Variants in SLC39A5 observed in about 807,000 individuals in gnomAD.
SLC39A5 encodes zinc transporter ZIP5.
SLC39A5 carries 42 observed loss-of-function variants against 46.9 expected under a neutral mutation model. The observed-to-expected ratio is 0.90, with a 90% CI of 0.70 to 1.16. The LOEUF is 1.16. SLC39A5 is among the 50% of genes most tolerant of loss of function. The pLI, the probability that SLC39A5 is intolerant of heterozygous loss-of-function variation, is 0.00. For synonymous variants in SLC39A5, 311 were observed against 323.1 expected (o/e 0.96, Z 0.40); for missense variants, 677 against 686.8 (o/e 0.99, Z 0.16).
intron 11 of SLC39A5, 26 bp from the exon 12 acceptor site, chr12:56,237,124 C>T: frequency 6.2e-7 from 1 of 1,613,590 alleles, no homozygotes; most frequent in Non-Finnish European, 8.5e-7. Flanking sequence ...CTTACTCCCT[C>T]CCATCCTGTC....
At position 56,234,951 on chromosome 12, in the gene SLC39A5, C is replaced by T; in HGVS notation, c.599C>T (p.Ala200Val). 6.2e-6 allele frequency: 10 copies of T among 1,611,944 alleles called. No homozygotes were observed. Among genetic ancestry groups the T allele is most frequent in the Admixed American group, 1.7e-5 (1 of 59,980 alleles). ...ATCGACAGCCGCGTCTGCATCGGCG[C>T]TCCGGCCCCTGCACCCCCAGGGGAT... is the stretch of plus-strand genomic sequence containing the variant. The part of the protein sequence containing the change: ...YQIDSRVCIG[A>V]PAPAPPGDLL... Residue 200 changes from alanine (A) to valine (V), a missense_variant, in exon 6 of 13, where the codon GCT becomes GTT. Coordinates refer to ENST00000454355, the MANE Select transcript of SLC39A5 (RefSeq NM_173596.3).
In SLC39A5 at chr12:56,232,674, T is replaced by C; in HGVS notation, c.288-15T>C. The C allele has an allele frequency of 1.3e-6, 2 of 1,583,430 alleles. No individual in the cohort carries two copies. Among genetic ancestry groups the C allele is most frequent in the South Asian group, 1.2e-5 (1 of 86,924 alleles). On this transcript the variant is annotated splice_polypyrimidine_tract_variant and intron_variant, in intron 4 of 12. Coordinates refer to ENST00000454355, the MANE Select transcript of SLC39A5 (RefSeq NM_173596.3). Reference sequence around the variant, plus strand: ...GAACACAAGGGAGGCTGACTTGCTGTCTCATCCATTCCAGGCCACAGAACC... The same window carrying C: ...GAACACAAGGGAGGCTGACTTGCTGCCTCATCCATTCCAGGCCACAGAACC...
Position 56,232,714 on chromosome 12 carries a change from G to C in SLC39A5, c.313G>C (p.Asp105His), listed in dbSNP as rs779376141. Reference sequence around the variant, plus strand: ...GCCACAGAACCCTGAGCTGAGTGTGGATGTCTGGGCAGGGATGCCTCTGGG... The same window carrying C: ...GCCACAGAACCCTGAGCTGAGTGTGCATGTCTGGGCAGGGATGCCTCTGGG... ...HRPQNPELSV[D>H]VWAGMPLGPS... Residue 105 changes from aspartate to histidine, a missense_variant, in exon 5 of 13, where the codon GAT (aspartate) becomes CAT (histidine). Coordinates refer to ENST00000454355, the MANE Select transcript of SLC39A5 (RefSeq NM_173596.3). 2 of 1,610,748 alleles carry C rather than the reference G, an allele frequency of 1.2e-6. No homozygotes were observed. The highest frequency in any genetic ancestry group is 4.5e-5 in the East Asian group (2 of 44,434).
chr12:56,232,597 T>TC, intron 4 of SLC39A5, 92 bp from the exon 5 acceptor site: 3 of 1,161,404 alleles, frequency 2.6e-6, no homozygotes, highest in Non-Finnish European at 2.4e-6. Flanking sequence ...CAGTGGCTAG[T>TC]CCCCCCATTC....
chr12:56,236,809 C>A, intron 10 of SLC39A5, 63 bp downstream of exon 10: 2 of 1,576,450 alleles, frequency 1.3e-6, no homozygotes, highest in South Asian at 1.2e-5. Flanking sequence ...TAGTTATCAG[C>A]TGGGGCTAGG....
At position 56,236,505 on chromosome 12, in the gene SLC39A5, GA is replaced by G; in HGVS notation, c.1042+17del. On this transcript the variant is annotated intron_variant, in intron 9 of 12. Coordinates refer to ENST00000454355, the MANE Select transcript of SLC39A5 (RefSeq NM_173596.3). ...CAGGCAGCTCCAGGTGACTAGAGGA[GA>G]AAATTTGAAGAGTAGGTTCCAAGCT... 1 of 1,614,250 alleles carries G rather than the reference GA, an allele frequency of 6.2e-7. No individual in the cohort carries two copies. The highest frequency in any genetic ancestry group is 8.5e-7 in the Non-Finnish European group (1 of 1,180,044).
Position 56,231,572 on chromosome 12 carries a change from C to G in SLC39A5, c.287+11C>G. The G allele has an allele frequency of 6.6e-7, 1 of 1,524,558 alleles. No homozygotes were observed. Among genetic ancestry groups the G allele is most frequent in the Non-Finnish European group, 8.8e-7 (1 of 1,135,038 alleles). The allele number at this position is 1,524,558 out of a possible 1,614,324, so 94.4% of individuals were successfully genotyped here. On this transcript the variant is annotated intron_variant, in intron 4 of 12. Transcript: ENST00000454355. ...CAATTCCACACACAGGTACTGACCC[C>G]TTCCTCCACTCCACAGGGCCACATC... is the stretch of plus-strand genomic sequence containing the variant.
At chr12:56,231,614 T>C in intron 4 of SLC39A5, 53 bp downstream of exon 4, 3 of 1,485,158 alleles carry the variant, frequency 2.0e-6, no homozygotes, top group Non-Finnish European at 1.8e-6. Flanking sequence ...GTCCTCTCAG[T>C]GCTTGCCCCC....
intron 11 of SLC39A5, 40 bp from the exon 12 acceptor site, chr12:56,237,110 C>G: frequency 6.2e-7 from 1 of 1,612,956 alleles, no homozygotes; most frequent in Non-Finnish European, 8.5e-7. Flanking sequence ...GAGGGGCACC[C>G]CAGCTTACTC....
At chr12:56,231,902 T>A (rs1349947783) in intron 4 of SLC39A5, among the ~76,000 whole-genome samples, 2 of 151,830 alleles carry the variant, frequency 1.3e-5, no homozygotes, top group Non-Finnish European at 2.9e-5. Flanking sequence ...ATTTTAAAAA[T>A]TTTTTACAGA....
intron 4 of SLC39A5, among the ~76,000 whole-genome samples, chr12:56,232,147 TTTTC>T (rs1387895468): frequency 6.7e-6 from 1 of 149,448 alleles, no homozygotes; most frequent in African/African-American, 2.5e-5. Context: ...TAGACTTCTT[TTTTC>T]TTTTCTTTTC....
chr12:56,231,331 G>T lies in SLC39A5; in HGVS notation c.57G>T (p.Leu19Phe). ...LLAGFCVWVV[L>F]GWVGGSVPNL... Reference sequence around the variant, plus strand: ...CCGGCTTCTGTGTGTGGGTCGTCTTGGGCTGGGTAGGGGGCTCAGTCCCCA... The same window carrying T: ...CCGGCTTCTGTGTGTGGGTCGTCTTTGGCTGGGTAGGGGGCTCAGTCCCCA... Residue 19 changes from leucine to phenylalanine, a missense_variant, in exon 4 of 13, where the codon TTG (leucine) becomes TTT (phenylalanine). Transcript: ENST00000454355. The T allele has an allele frequency of 1.2e-6, 2 of 1,613,516 alleles. No individual in the cohort carries two copies. The highest frequency in any genetic ancestry group is 1.3e-5 in the African/African-American group (1 of 75,052).
chr12:56,234,705 C>T, intron 5 of SLC39A5, 119 bp from the exon 6 acceptor site: 1 of 1,094,740 alleles, frequency 9.1e-7, no homozygotes, highest in Non-Finnish European at 1.3e-6. Context: ...AGATGATACA[C>T]CCGCCTGGGC....
rs149153471 is a variant in SLC39A5, at chr12:56,234,460, G to A, written c.472-364G>A. On this transcript the variant is annotated intron_variant, in intron 5 of 12. Transcript: ENST00000454355. ...CTCCTGAGTAGCTGGGATCACAGGT[G>A]CACGCCACCATGCCCAGCTAATTTT... Among the ~76,000 whole-genome samples, 38 of 151,990 alleles carry A rather than the reference G, an allele frequency of 2.5e-4. No homozygotes were observed. The East Asian group carries it at 7.2e-3, about 29-fold the overall frequency.
chr12:56,235,058 C>A, intron 6 of SLC39A5, 72 bp downstream of exon 6: 1 of 1,595,754 alleles, frequency 6.3e-7, no homozygotes, highest in South Asian at 1.1e-5. Context: ...AGGAGGCTCA[C>A]TGGGGTCCTG....
chr12:56,236,137 G>C (rs551076931), intron 8 of SLC39A5, among the ~76,000 whole-genome samples: 12 of 152,326 alleles, frequency 7.9e-5, no homozygotes, highest in African/African-American at 2.9e-4. Flanking sequence ...TGGTGTGCAG[G>C]ACCTATCGGC....
rs759059162 is a variant in SLC39A5, at chr12:56,234,949, C to A, written c.597C>A (p.Gly199=). 3 of 1,613,644 alleles carry A rather than the reference C, an allele frequency of 1.9e-6. No homozygotes were observed. In the Admixed American group the frequency reaches 5.0e-5, roughly 27 times the overall value. ...LYQIDSRVCI[G]APAPAPPGDL... is the part of the protein sequence containing the mutation. ...AGATCGACAGCCGCGTCTGCATCGG[C>A]GCTCCGGCCCCTGCACCCCCAGGGG... is the stretch of plus-strand genomic sequence containing the variant. The change falls in exon 6 of 13, where the codon GGC becomes GGA. Residue 199 remains glycine, a synonymous_variant. Transcript: ENST00000454355.
chr12:56,234,932 A>G lies in SLC39A5; in HGVS notation c.580A>G (p.Ser194Gly), dbSNP rs755044797. The G allele has an allele frequency of 6.2e-7, 1 of 1,613,700 alleles. No individual in the cohort carries two copies. The highest frequency in any genetic ancestry group is 1.1e-5 in the South Asian group (1 of 91,090). ...CCCAGCCCTGCTTTATCAGATCGAC[A>G]GCCGCGTCTGCATCGGCGCTCCGGC... ...LCPALLYQIDSRVCIGAPAPA... is the reference protein window; with the variant it reads ...LCPALLYQIDGRVCIGAPAPA... Residue 194 changes from serine to glycine, a missense_variant, in exon 6 of 13, where the codon AGC (serine) becomes GGC (glycine). Ser to Gly is a moderately conservative substitution (Grantham distance 56). Transcript: ENST00000454355.
Position 56,234,950 on chromosome 12 carries a change from G to C in SLC39A5, c.598G>C (p.Ala200Pro). 6.2e-7 allele frequency: 1 copy of C among 1,611,738 alleles called. No homozygotes were observed. The highest frequency in any genetic ancestry group is 8.5e-7 in the Non-Finnish European group (1 of 1,178,498). The change falls in exon 6 of 13, where the codon GCT becomes CCT. Residue 200 changes from alanine (A) to proline (P), a missense_variant. By Grantham distance (27) the Ala-to-Pro change is conservative. Coordinates refer to ENST00000454355, the MANE Select transcript of SLC39A5 (RefSeq NM_173596.3). Reference protein sequence around the residue: ...YQIDSRVCIGAPAPAPPGDLL... With the variant: ...YQIDSRVCIGPPAPAPPGDLL... ...GATCGACAGCCGCGTCTGCATCGGC[G>C]CTCCGGCCCCTGCACCCCCAGGGGA...
Sources: gnomAD v4.1 joint callset for allele counts (sites outside exome capture counted in the v4.1 genomes callset) on GRCh38, gnomAD v4.1.1 for gene constraint, MANE v1.5 for transcripts, NCBI Gene and HGNC (gene_info 2026-07-23, HGNC 2026-07-21) for gene names.